GALNTL6: variants seen among roughly 807,000 people sequenced by gnomAD.
The protein encoded by GALNTL6 is polypeptide N-acetylgalactosaminyltransferase-like 6.
GALNTL6 carries 46 observed loss-of-function variants against 73.7 expected under a neutral mutation model. The observed-to-expected ratio is 0.62, with a 90% CI of 0.49 to 0.80. GALNTL6 has a LOEUF of 0.80. Among genes scored for constraint, GALNTL6 ranks in the 30% least tolerant of loss-of-function variants. The pLI is 0.00. For synonymous variants in GALNTL6, 259 were observed against 263.7 expected (o/e 0.98, Z 0.17); for missense variants, 604 against 755.0 (o/e 0.80, Z 2.34).
intron 5 of GALNTL6, among the ~76,000 whole-genome samples, chr4:172,766,175 G>A (rs999248375): frequency 4.6e-5 from 7 of 152,116 alleles, no homozygotes; most frequent in Admixed American, 3.9e-4. Context: ...ATGTACAACT[G>A]ATTAAACGAT....
chr4:173,027,018 C>A (rs761366074), intron 12 of GALNTL6, among the ~76,000 whole-genome samples: 1 of 152,142 alleles, frequency 6.6e-6, no homozygotes. Flanking sequence ...GACGGACTTT[C>A]GCTCTGTCAG....
intron 9 of GALNTL6, among the ~76,000 whole-genome samples, chr4:172,944,102 A>C (rs1489528615): frequency 1.3e-5 from 2 of 152,310 alleles, no homozygotes; most frequent in Non-Finnish European, 2.9e-5. Context: ...CTTAGGTATG[A>C]CACCATAGAA....
At chr4:172,233,348 CTAAATAAATAAATAAA>C (rs3083265) in intron 3 of GALNTL6, among the ~76,000 whole-genome samples, 5 of 146,808 alleles carry the variant, frequency 3.4e-5, no homozygotes, top group Admixed American at 2.7e-4. Flanking sequence ...GACTCTGTCT[CTAAATAAATAAATAAA>C]TAAATAAATA....
intron 5 of GALNTL6, among the ~76,000 whole-genome samples, chr4:172,714,223 G>C (rs1734910444): frequency 6.6e-6 from 1 of 152,090 alleles, no homozygotes; most frequent in Non-Finnish European, 1.5e-5. Context: ...GGACAGCTTG[G>C]AGGTTAGAAG....
intron 5 of GALNTL6, among the ~76,000 whole-genome samples, chr4:172,750,520 A>G (rs955641144): frequency 5.9e-5 from 9 of 152,148 alleles, no homozygotes; most frequent in African/African-American, 1.7e-4. Context: ...ATCCCACACA[A>G]CAACCTTCAA....
intron 10 of GALNTL6, among the ~76,000 whole-genome samples, chr4:172,985,807 A>T (rs1336968425): frequency 6.6e-6 from 1 of 152,210 alleles, no homozygotes; most frequent in Non-Finnish European, 1.5e-5. Flanking sequence ...TCAGGATCTG[A>T]AAAATACCTC....
chr4:173,029,564 C>G (rs1753373294), intron 12 of GALNTL6, among the ~76,000 whole-genome samples: 1 of 152,208 alleles, frequency 6.6e-6, no homozygotes, highest in Admixed American at 6.5e-5. Context: ...TTATGAGCTT[C>G]TAGCATGCTT....
chr4:172,229,050 C>CA (rs1318399575), intron 2 of GALNTL6, among the ~76,000 whole-genome samples: 1 of 152,100 alleles, frequency 6.6e-6, no homozygotes, highest in African/African-American at 2.4e-5. Flanking sequence ...AGAACTGGTC[C>CA]AAGTCCTGGC....
rs564814061 is a variant in GALNTL6, at chr4:172,284,950, T to A, written c.248-26664T>A. Among the ~76,000 whole-genome samples, 5 of 152,316 alleles carry A rather than the reference T, an allele frequency of 3.3e-5. No homozygotes were observed. In the South Asian group the frequency reaches 8.3e-4, roughly 25 times the overall value. ...GGTCTCTTTCTGGTTCCATATGAATTTTAGGATTGCTTATTCTAATTCTTT... is the reference window on the plus strand; with the variant it reads ...GGTCTCTTTCTGGTTCCATATGAATATTAGGATTGCTTATTCTAATTCTTT... On this transcript the variant is annotated intron_variant, in intron 3 of 12. Transcript: ENST00000506823.
intron 7 of GALNTL6, among the ~76,000 whole-genome samples, chr4:172,847,310 C>T (rs1288829861): frequency 6.6e-6 from 1 of 152,126 alleles, no homozygotes; most frequent in Non-Finnish European, 1.5e-5. Context: ...TATTACTCCT[C>T]TTTGGAACTA....
At chr4:172,302,300 T>A (rs1739960892) in intron 3 of GALNTL6, among the ~76,000 whole-genome samples, 3 of 152,270 alleles carry the variant, frequency 2.0e-5, no homozygotes, top group African/African-American at 7.2e-5. Context: ...GGGAATTCCC[T>A]GACCCCTTGA....
chr4:172,151,578 A>G (rs1260250475), intron 2 of GALNTL6, among the ~76,000 whole-genome samples: 1 of 152,214 alleles, frequency 6.6e-6, no homozygotes, highest in Non-Finnish European at 1.5e-5. Flanking sequence ...ACATTTATAA[A>G]CAGTTTCAGA....
chr4:172,648,866 T>C (rs1164642502), intron 5 of GALNTL6, among the ~76,000 whole-genome samples: 1 of 152,184 alleles, frequency 6.6e-6, no homozygotes, highest in Non-Finnish European at 1.5e-5. Context: ...TGCCCAATAC[T>C]TCACCAAAAT....
intron 5 of GALNTL6, among the ~76,000 whole-genome samples, chr4:172,763,302 C>G (rs1257150676): frequency 6.6e-6 from 1 of 152,096 alleles, no homozygotes; most frequent in African/African-American, 2.4e-5. Flanking sequence ...CCAGGACCTG[C>G]AATATTCAGC....
At chr4:171,894,543 T>C (rs563466582) in intron 2 of GALNTL6, among the ~76,000 whole-genome samples, 5 of 152,220 alleles carry the variant, frequency 3.3e-5, no homozygotes, top group Non-Finnish European at 7.3e-5. Context: ...ATATTTTCTT[T>C]AATGTTTGAA....
intron 5 of GALNTL6, among the ~76,000 whole-genome samples, chr4:172,512,347 T>C (rs573909399): frequency 0.015 from 149 of 9,818 alleles, 60 homozygotes; most frequent in African/African-American, 0.026. Context: ...GTTAGATGAG[T>C]TTCTTGAAGA....
intron 2 of GALNTL6, among the ~76,000 whole-genome samples, chr4:171,826,663 G>T (rs1464103761): frequency 6.6e-6 from 1 of 152,082 alleles, no homozygotes; most frequent in Non-Finnish European, 1.5e-5. Flanking sequence ...CATATCATTA[G>T]TCGTATTACT....
chr4:172,712,244 T>A (rs190123554), intron 5 of GALNTL6, among the ~76,000 whole-genome samples: 12 of 152,286 alleles, frequency 7.9e-5, no homozygotes, highest in Middle Eastern at 3.4e-3. Flanking sequence ...TATGTAACAA[T>A]GTACTATAAG....
chr4:172,567,359 C>T (rs1295629250), intron 5 of GALNTL6, among the ~76,000 whole-genome samples: 1 of 151,996 alleles, frequency 6.6e-6, no homozygotes, highest in Non-Finnish European at 1.5e-5. Context: ...CCTGCTTGTG[C>T]CCTGATAGGT....
Sources: gnomAD v4.1 joint callset for allele counts (sites outside exome capture counted in the v4.1 genomes callset) on GRCh38, gnomAD v4.1.1 for gene constraint, MANE v1.5 for transcripts, NCBI Gene and HGNC (gene_info 2026-07-23, HGNC 2026-07-21) for gene names.